Variants in CHST9 observed in about 807,000 individuals in gnomAD.
The protein encoded by CHST9 is carbohydrate sulfotransferase 9.
CHST9 carries 41 observed loss-of-function variants against 44.4 expected under a neutral mutation model. The ratio of observed to expected loss-of-function variants is 0.92; its 90% CI spans 0.72 to 1.20. The LOEUF (loss-of-function observed/expected upper bound fraction) is 1.20, where lower values mean the gene tolerates loss of function less well. Ranked by LOEUF, CHST9 falls within the 50% of genes most tolerant of loss-of-function variation. The pLI, the probability that CHST9 is intolerant of heterozygous loss-of-function variation, is 0.00. For missense variants in CHST9, 504 were observed against 516.5 expected (o/e 0.98, Z 0.23); for synonymous variants, 171 against 178.4 (o/e 0.96, Z 0.33).
At chr18:26,941,588 T>A (rs1476835173) in intron 5 of CHST9, among the ~76,000 whole-genome samples, 1 of 151,978 alleles carries the variant, frequency 6.6e-6, no homozygotes, top group African/African-American at 2.4e-5. Flanking sequence ...ACAAGTAACA[T>A]TTTTCAGATA....
Position 27,048,497 on chromosome 18 carries a change from A to G in CHST9, c.128T>C (p.Val43Ala), listed in dbSNP as rs370422638. 1 of 1,605,352 alleles carries G rather than the reference A, an allele frequency of 6.2e-7. No homozygotes were observed. Among genetic ancestry groups the G allele is most frequent in the Non-Finnish European group, 8.5e-7 (1 of 1,175,856 alleles). Residue 43 changes from valine (V) to alanine (A), a missense_variant, in exon 3 of 6, where the codon GTG becomes GCG. Transcript: ENST00000618847. Reference sequence around the variant, plus strand: ...TACTTTTTGTTCTCTTCTCTTCTCCACTCTCCCTGAAATGAGAAGTGGAAG... The same window carrying G: ...TACTTTTTGTTCTCTTCTCTTCTCCGCTCTCCCTGAAATGAGAAGTGGAAG... ...VWIEEQHTGR[V>A]EKRREQKVTS... is the part of the protein sequence containing the mutation.
intron 1 of CHST9, among the ~76,000 whole-genome samples, chr18:27,180,456 G>A (rs1309950886): frequency 6.6e-6 from 1 of 152,120 alleles, no homozygotes; most frequent in Non-Finnish European, 1.5e-5. Context: ...AAGGATCACA[G>A]TCTGGTCCAC....
chr18:26,974,522 G>T (rs550895728), intron 4 of CHST9, among the ~76,000 whole-genome samples: 1 of 152,210 alleles, frequency 6.6e-6, no homozygotes, highest in East Asian at 1.9e-4. Context: ...TTAGCTTTAG[G>T]TTATAATTTT....
intron 3 of CHST9, among the ~76,000 whole-genome samples, chr18:27,044,126 G>A (rs547735077): frequency 7.9e-5 from 12 of 150,960 alleles, no homozygotes; most frequent in African/African-American, 2.2e-4. Context: ...CTCAAGTCTC[G>A]CCTCTTCCAG....
At chr18:27,166,441 C>T (rs1401160061) in intron 1 of CHST9, among the ~76,000 whole-genome samples, 2 of 152,156 alleles carry the variant, frequency 1.3e-5, no homozygotes, top group Non-Finnish European at 2.9e-5. Flanking sequence ...GACACATGAA[C>T]ACTCTCTCTT....
chr18:27,060,720 AC>A (rs1226833983), intron 2 of CHST9, among the ~76,000 whole-genome samples: 3 of 152,222 alleles, frequency 2.0e-5, no homozygotes, highest in Non-Finnish European at 4.4e-5. Context: ...CATGCATAAA[AC>A]ATGTAAACTA....
chr18:27,045,621 AT>A (rs1407794452), intron 3 of CHST9, among the ~76,000 whole-genome samples: 1 of 151,988 alleles, frequency 6.6e-6, no homozygotes, highest in Non-Finnish European at 1.5e-5. Flanking sequence ...ACCAAGCCAA[AT>A]CGCCAAATTT....
chr18:26,924,365 G>A (rs939167970), intron 5 of CHST9, among the ~76,000 whole-genome samples: 6 of 152,024 alleles, frequency 3.9e-5, no homozygotes, highest in Non-Finnish European at 7.4e-5. Flanking sequence ...GGGTGGGTGT[G>A]GGCATTCACT....
intron 2 of CHST9, among the ~76,000 whole-genome samples, chr18:27,096,044 G>C (rs2058113760): frequency 6.6e-6 from 1 of 151,972 alleles, no homozygotes; most frequent in African/African-American, 2.4e-5. Flanking sequence ...GCTGTAAAAT[G>C]AGTCAATAAA....
intron 4 of CHST9, among the ~76,000 whole-genome samples, chr18:26,993,013 C>T (rs1173726718): frequency 6.6e-6 from 1 of 152,164 alleles, no homozygotes; most frequent in African/African-American, 2.4e-5. Context: ...AAACACATCT[C>T]ATAACTTCAA....
chr18:27,140,767 C>G (rs919645329), intron 2 of CHST9, among the ~76,000 whole-genome samples: 5 of 151,992 alleles, frequency 3.3e-5, no homozygotes, highest in Admixed American at 1.3e-4. Context: ...GAGGAATTAG[C>G]CTATATATTT....
intron 2 of CHST9, among the ~76,000 whole-genome samples, chr18:27,112,175 G>GTA (rs1238013604): frequency 2.7e-5 from 4 of 148,844 alleles, no homozygotes; most frequent in East Asian, 1.9e-4. Flanking sequence ...ATACCTACAT[G>GTA]TATATATATA....
At chr18:27,125,495 C>T (rs965508280) in intron 2 of CHST9, among the ~76,000 whole-genome samples, 1 of 152,104 alleles carries the variant, frequency 6.6e-6, no homozygotes, top group African/African-American at 2.4e-5. Context: ...GGGGAGTTTC[C>T]TTCTGTATTG....
At chr18:27,128,138 A>G in intron 2 of CHST9, among the ~76,000 whole-genome samples, 1 of 152,218 alleles carries the variant, frequency 6.6e-6, no homozygotes, top group East Asian at 1.9e-4. Context: ...GTTGCCATAT[A>G]TGAAAACAGA....
chr18:26,958,396 A>T (rs1158325487), intron 4 of CHST9, among the ~76,000 whole-genome samples: 1 of 152,076 alleles, frequency 6.6e-6, no homozygotes, highest in Non-Finnish European at 1.5e-5. Context: ...GAAGCCTAGG[A>T]AACACGATTC....
intron 5 of CHST9, among the ~76,000 whole-genome samples, chr18:26,919,104 C>T (rs762335159): frequency 2.0e-5 from 3 of 152,050 alleles, no homozygotes; most frequent in Non-Finnish European, 4.4e-5. Context: ...ATCACGAGGA[C>T]AGCATGGGAA....
In CHST9 at chr18:27,185,145, C is replaced by A. The variant is rs2058946541; in HGVS notation, c.-106G>T. ...GCCCCAGCGCGGTTACCTCGCGGGC[C>A]GCTGCCGGGCGCTTGCAGGTGCTGC... On this transcript the variant is annotated 5_prime_UTR_variant, in exon 1 of 6. Transcript: ENST00000618847. 1 of 152,216 alleles carries A rather than the reference C, an allele frequency of 6.6e-6. No individual in the cohort carries two copies. Among genetic ancestry groups the A allele is most frequent in the Non-Finnish European group, 1.5e-5 (1 of 68,134 alleles). The allele number at this position is 152,216 out of a possible 1,614,324, so 9.4% of individuals were successfully genotyped here. A position where few individuals can be genotyped will look rare whatever the true frequency, so the allele number is the denominator to read the frequency against.
chr18:27,000,684 C>T (rs2056942006), intron 4 of CHST9, among the ~76,000 whole-genome samples: 1 of 151,294 alleles, frequency 6.6e-6, no homozygotes, highest in Non-Finnish European at 1.5e-5. Flanking sequence ...TTCTATCTAT[C>T]CAACCATCCT....
chr18:27,067,046 G>A (rs8084449), intron 2 of CHST9, among the ~76,000 whole-genome samples: 11,310 of 151,972 alleles, frequency 0.074, 720 homozygotes, highest in African/African-American at 0.17. Context: ...AATTCCAGTA[G>A]TAGGACCCAA....
Sources: gnomAD v4.1 joint callset for allele counts (sites outside exome capture counted in the v4.1 genomes callset) on GRCh38, gnomAD v4.1.1 for gene constraint, MANE v1.5 for transcripts, NCBI Gene and HGNC (gene_info 2026-07-23, HGNC 2026-07-21) for gene names.